The following NAV3 variants were observed in gnomAD, a reference collection of about 807,000 sequenced individuals.
NAV3 encodes neuron navigator 3.
A neutral mutation model predicts 244.7 loss-of-function variants in NAV3; 87 were observed. The ratio of observed to expected loss-of-function variants is 0.36; its 90% CI spans 0.30 to 0.42. NAV3 has a LOEUF of 0.42. Among genes scored for constraint, NAV3 ranks in the 20% least tolerant of loss-of-function variants. The probability of loss-of-function intolerance (pLI) is 1.00; values close to 1 mark genes in which losing one functional copy is unlikely to be tolerated. For missense variants in NAV3, 2,663 were observed against 2,893.3 expected, an observed-to-expected ratio of 0.92 and a Z score of 1.83; for synonymous variants, 1,126 against 1,042.2, an observed-to-expected ratio of 1.08 and a Z score of -1.55.
chr12:78,084,961 C>G (rs1358540859), intron 12 of NAV3, among the ~76,000 whole-genome samples: 4 of 151,562 alleles, frequency 2.6e-5, no homozygotes, highest in Admixed American at 2.6e-4. Context: ...AATTTCACTT[C>G]AAGAAGAGTC....
chr12:78,185,284 A>C (rs1285905616), intron 30 of NAV3, among the ~76,000 whole-genome samples: 1 of 151,836 alleles, frequency 6.6e-6, no homozygotes, highest in Non-Finnish European at 1.5e-5. Context: ...TATAATGGTG[A>C]CTAAATATTA....
At chr12:78,088,763 T>A (rs989489884) in intron 12 of NAV3, 1 of 152,146 alleles carries the variant, frequency 6.6e-6, no homozygotes, top group African/African-American at 2.4e-5. Flanking sequence ...GATGGGCTGC[T>A]TACCCAGAAT....
chr12:78,007,764 T>C (rs1197255463), intron 8 of NAV3, among the ~76,000 whole-genome samples: 2 of 152,230 alleles, frequency 1.3e-5, no homozygotes, highest in African/African-American at 4.8e-5. Context: ...GCTACTACTA[T>C]ACTGCTTCTA....
intron 2 of NAV3, among the ~76,000 whole-genome samples, chr12:77,686,721 T>C (rs1252170791): frequency 6.6e-6 from 1 of 152,086 alleles, no homozygotes; most frequent in East Asian, 1.9e-4. Flanking sequence ...AAGCATATGG[T>C]GAGTGAAGCC....
chr12:78,101,735 A>G (rs1954547158), intron 12 of NAV3, among the ~76,000 whole-genome samples: 1 of 152,124 alleles, frequency 6.6e-6, no homozygotes, highest in African/African-American at 2.4e-5. Context: ...CAGGTAATGC[A>G]CTGTGTTTGC....
chr12:78,044,341 G>A (rs910080810), intron 9 of NAV3, among the ~76,000 whole-genome samples: 1 of 152,174 alleles, frequency 6.6e-6, no homozygotes, highest in African/African-American at 2.4e-5. Flanking sequence ...TGGCCCTGGA[G>A]TATACTTTGA....
chr12:78,025,642 T>C (rs1214595993), intron 9 of NAV3, among the ~76,000 whole-genome samples: 1 of 149,324 alleles, frequency 6.7e-6, no homozygotes, highest in Non-Finnish European at 1.5e-5. Context: ...ATCCCCAATG[T>C]TGTAGGTGGG....
intron 2 of NAV3, among the ~76,000 whole-genome samples, chr12:77,825,684 G>A (rs2136045411): frequency 6.6e-6 from 1 of 152,160 alleles, no homozygotes; most frequent in Non-Finnish European, 1.5e-5. Flanking sequence ...GGGACATTTA[G>A]GACCCCCACT....
intron 2 of NAV3, among the ~76,000 whole-genome samples, chr12:77,593,731 C>T (rs1319041669): frequency 1.3e-5 from 2 of 151,580 alleles, no homozygotes; most frequent in Non-Finnish European, 2.9e-5. Context: ...GCCTTGGCCT[C>T]CCAAAGTGCT....
At position 77,863,915 on chromosome 12, in the gene NAV3, T is replaced by C. The variant is rs1203325499; in HGVS notation, c.243+32211T>C. Among the ~76,000 whole-genome samples the C allele has an allele frequency of 4.6e-5, 7 of 152,026 alleles. No individual in the cohort carries two copies. The East Asian group carries it at 1.3e-3, about 29-fold the overall frequency. ...TATAAAATCAGAAAATGAAAGTTAT[T>C]TGAGGGAGTCATACAGGGCAATCAA... On this transcript the variant is annotated intron_variant, in intron 1 of 39. Coordinates refer to ENST00000397909, the MANE Select transcript of NAV3 (RefSeq NM_001024383.2).
chr12:77,970,240 C>T (rs547040428), intron 5 of NAV3, among the ~76,000 whole-genome samples: 5 of 152,074 alleles, frequency 3.3e-5, no homozygotes, highest in Non-Finnish European at 7.4e-5. Flanking sequence ...CTTTGTCCAC[C>T]TTAGAAGTCA....
intron 22 of NAV3, among the ~76,000 whole-genome samples, chr12:78,154,283 ATACTACT>A (rs1565731098): frequency 1.4e-5 from 1 of 73,502 alleles, no homozygotes; most frequent in Non-Finnish European, 3.0e-5. Context: ...ATTACTATAT[ATACTACT>A]ATATATTACT....
intron 5 of NAV3, among the ~76,000 whole-genome samples, chr12:77,974,828 T>C (rs1555247485): frequency 2.0e-5 from 3 of 152,206 alleles, no homozygotes; most frequent in Non-Finnish European, 4.4e-5. Flanking sequence ...AAATGGTTTA[T>C]GTATAAAATG....
At chr12:78,153,603 G>A (rs138932140) in intron 22 of NAV3, among the ~76,000 whole-genome samples, 320 of 152,072 alleles carry the variant, frequency 2.1e-3, no homozygotes, top group African/African-American at 7.1e-3. Context: ...GTCTTTTAAC[G>A]TATTTTCTTT....
At chr12:78,108,086 T>A (rs1430099640) in intron 12 of NAV3, among the ~76,000 whole-genome samples, 1 of 152,082 alleles carries the variant, frequency 6.6e-6, no homozygotes, top group African/African-American at 2.4e-5. Flanking sequence ...CAGACATACA[T>A]AGGCTGAAAG....
intron 1 of NAV3, among the ~76,000 whole-genome samples, chr12:77,859,863 C>G (rs975414978): frequency 6.6e-6 from 1 of 150,498 alleles, no homozygotes. Flanking sequence ...GAATTTGAAC[C>G]CTGGCATGCC....
At chr12:78,025,907 A>G (rs899559540) in intron 9 of NAV3, among the ~76,000 whole-genome samples, 4 of 152,234 alleles carry the variant, frequency 2.6e-5, no homozygotes, top group Non-Finnish European at 4.4e-5. Flanking sequence ...AGCTTCTTGT[A>G]CAGCCTAAAG....
chr12:77,803,080 T>C (rs989645421), intron 2 of NAV3, among the ~76,000 whole-genome samples: 1 of 152,152 alleles, frequency 6.6e-6, no homozygotes, highest in African/African-American at 2.4e-5. Flanking sequence ...CTTTCCCCTT[T>C]GCTGTATTTT....
intron 24 of NAV3, among the ~76,000 whole-genome samples, chr12:78,172,886 G>C (rs1958062971): frequency 6.6e-6 from 1 of 151,448 alleles, no homozygotes; most frequent in Non-Finnish European, 1.5e-5. Flanking sequence ...TCTTAAGTGG[G>C]GGAGTGATGA....
Sources: allele counts gnomAD v4.1 joint callset (sites outside exome capture counted in the v4.1 genomes callset), GRCh38; gene constraint gnomAD v4.1.1; transcripts MANE v1.5; gene names NCBI Gene and HGNC (gene_info 2026-07-23, HGNC 2026-07-21).